LSAMP: variants seen among roughly 807,000 people sequenced by gnomAD.
LSAMP encodes limbic system associated membrane protein.
A neutral mutation model predicts 38.6 loss-of-function variants in LSAMP; 7 were observed. The observed-to-expected ratio is 0.18, with a 90% CI of 0.10 to 0.34. The LOEUF (loss-of-function observed/expected upper bound fraction) is 0.34, where lower values mean the gene tolerates loss of function less well. Ranked by LOEUF, LSAMP falls within the 10% of genes least tolerant of loss-of-function variation. The probability of loss-of-function intolerance (pLI) is 1.00; values close to 1 mark genes in which losing one functional copy is unlikely to be tolerated. For synonymous variants in LSAMP, 154 were observed against 166.8 expected, an observed-to-expected ratio of 0.92 and a Z score of 0.59; for missense variants, 313 against 420.0, an observed-to-expected ratio of 0.75 and a Z score of 2.23.
At chr3:115,888,327 T>A (rs760620735) in intron 3 of LSAMP, among the ~76,000 whole-genome samples, 3 of 151,958 alleles carry the variant, frequency 2.0e-5, no homozygotes, top group Non-Finnish European at 4.4e-5. Context: ...TTGCTGTTTA[T>A]CTTTCTATAA....
intron 1 of LSAMP, among the ~76,000 whole-genome samples, chr3:116,377,540 T>TA (rs1423453068): frequency 1.3e-5 from 2 of 152,108 alleles, no homozygotes; most frequent in East Asian, 3.9e-4. Flanking sequence ...GCAATAAACA[T>TA]ACACATGCAT....
chr3:115,957,517 A>C (rs979001071), intron 3 of LSAMP, among the ~76,000 whole-genome samples: 4 of 152,162 alleles, frequency 2.6e-5, no homozygotes, highest in Admixed American at 2.6e-4. Context: ...ATGGAACCAC[A>C]TGATCCTCAA....
chr3:116,252,980 A>G (rs964121281), intron 1 of LSAMP, among the ~76,000 whole-genome samples: 6 of 152,324 alleles, frequency 3.9e-5, no homozygotes, highest in Non-Finnish European at 7.3e-5. Flanking sequence ...TAATTATTCA[A>G]TCAGTCCAGC....
At chr3:116,335,761 G>A (rs2047912221) in intron 1 of LSAMP, among the ~76,000 whole-genome samples, 1 of 151,892 alleles carries the variant, frequency 6.6e-6, no homozygotes, top group Admixed American at 6.6e-5. Flanking sequence ...GCTTAAAGTT[G>A]GGCAAAATTA....
chr3:116,164,628 A>AATAT lies in LSAMP; in HGVS notation c.156-78076_156-78073dup, dbSNP rs369789482. Among the ~76,000 whole-genome samples the AATAT allele has an allele frequency of 9.0e-4, 82 of 91,168 alleles. 9 individuals carry two copies. Among genetic ancestry groups the AATAT allele is most frequent in the African/African-American group, 2.5e-3 (56 of 22,294 alleles). The allele number at this position is 91,168 out of a possible 152,430, so 59.8% of individuals were successfully genotyped here. Reference sequence around the variant, plus strand: ...TATATATATATATATATATAATCCAAATATATATATATATATAATCCAAAT... The same window carrying AATAT: ...TATATATATATATATATATAATCCAAATATATATATATATATATATAATCCAAAT... On this transcript the variant is annotated intron_variant, in intron 1 of 6. Coordinates refer to ENST00000490035, the MANE Select transcript of LSAMP (RefSeq NM_002338.5).
intron 2 of LSAMP, among the ~76,000 whole-genome samples, chr3:116,026,082 G>A (rs1442102471): frequency 6.6e-6 from 1 of 152,054 alleles, no homozygotes; most frequent in Non-Finnish European, 1.5e-5. Flanking sequence ...ATTGCATTGG[G>A]CCTACATATT....
Position 116,182,782 on chromosome 3 carries a change from A to G in LSAMP, c.156-96226T>C, listed in dbSNP as rs555494944. 2.0e-5 allele frequency among the ~76,000 whole-genome samples: 3 copies of G among 151,940 alleles called. No individual in the cohort carries two copies. In the South Asian group the frequency reaches 6.2e-4, roughly 31 times the overall value. Reference sequence around the variant, plus strand: ...ATTTTAGGAGAGAGTTGATCCTGGTAATGTATATTTTTGTACATTCTCATA... The same window carrying G: ...ATTTTAGGAGAGAGTTGATCCTGGTGATGTATATTTTTGTACATTCTCATA... On this transcript the variant is annotated intron_variant, in intron 1 of 6. Coordinates refer to ENST00000490035, the MANE Select transcript of LSAMP (RefSeq NM_002338.5).
chr3:116,380,818 T>C (rs558524612), intron 1 of LSAMP, among the ~76,000 whole-genome samples: 3 of 152,072 alleles, frequency 2.0e-5, no homozygotes, highest in Non-Finnish European at 4.4e-5. Context: ...TGGGTATAGC[T>C]TTGGTTTTTT....
intron 3 of LSAMP, among the ~76,000 whole-genome samples, chr3:116,010,393 ATATT>A (rs1304683813): frequency 1.3e-5 from 2 of 152,224 alleles, no homozygotes; most frequent in African/African-American, 4.8e-5. Context: ...CCTTCAGAAA[ATATT>A]TATTGAACAC....
chr3:116,098,718 CTGTGTG>C (rs779373699), intron 1 of LSAMP, among the ~76,000 whole-genome samples: 145 of 152,200 alleles, frequency 9.5e-4, no homozygotes, highest in Middle Eastern at 3.4e-3. Flanking sequence ...GTGTAACACC[CTGTGTG>C]TGTGTTTTTC....
intron 4 of LSAMP, among the ~76,000 whole-genome samples, chr3:115,849,844 T>C (rs74748298): frequency 0.055 from 8,403 of 152,302 alleles, 276 homozygotes; most frequent in African/African-American, 0.087. Flanking sequence ...AAAAGGTGAT[T>C]CCAAAGGAAA....
At chr3:116,366,635 G>T (rs954108735) in intron 1 of LSAMP, among the ~76,000 whole-genome samples, 2 of 152,166 alleles carry the variant, frequency 1.3e-5, no homozygotes. Flanking sequence ...AGGTATGGAG[G>T]AAGTGCCTCA....
Position 116,134,583 on chromosome 3 carries a change from A to T in LSAMP, c.156-48027T>A, listed in dbSNP as rs1016404024. 1.3e-5 allele frequency among the ~76,000 whole-genome samples: 2 copies of T among 152,226 alleles called. 1 individual carries two copies. Among genetic ancestry groups the T allele is most frequent in the African/African-American group, 4.8e-5 (2 of 41,536 alleles). On this transcript the variant is annotated intron_variant, in intron 1 of 6. Transcript: ENST00000490035. ...CATCAGGCTTGTTGCCGTCTCAGAGACTTTGCTCTTGCAGTTCCCTTTGCT... is the reference window on the plus strand; with the variant it reads ...CATCAGGCTTGTTGCCGTCTCAGAGTCTTTGCTCTTGCAGTTCCCTTTGCT...
chr3:116,084,299 A>T (rs1179425470), intron 2 of LSAMP, among the ~76,000 whole-genome samples: 1 of 152,030 alleles, frequency 6.6e-6, no homozygotes, highest in Non-Finnish European at 1.5e-5. Flanking sequence ...ACATAATTTT[A>T]GTTCTAACCC....
chr3:115,895,890 C>A (rs915424066), intron 3 of LSAMP, among the ~76,000 whole-genome samples: 1 of 151,944 alleles, frequency 6.6e-6, no homozygotes, highest in Non-Finnish European at 1.5e-5. Context: ...ATGTGTCACA[C>A]ATATATTCTT....
chr3:116,129,521 T>C (rs1194294134), intron 1 of LSAMP, among the ~76,000 whole-genome samples: 1 of 152,188 alleles, frequency 6.6e-6, no homozygotes, highest in Admixed American at 6.5e-5. Flanking sequence ...ACCACAGTTA[T>C]GTGAAGGGTA....
chr3:116,045,787 T>G (rs1192070771), intron 2 of LSAMP, among the ~76,000 whole-genome samples: 2 of 152,228 alleles, frequency 1.3e-5, no homozygotes, highest in Non-Finnish European at 2.9e-5. Context: ...AATTACCAGA[T>G]TCTTCCTTGA....
At chr3:115,819,977 G>C (rs1934175350) in intron 6 of LSAMP, among the ~76,000 whole-genome samples, 1 of 151,628 alleles carries the variant, frequency 6.6e-6, no homozygotes, top group South Asian at 2.1e-4. Context: ...CTGTGCAGAT[G>C]AATCACCTTT....
intron 1 of LSAMP, among the ~76,000 whole-genome samples, chr3:116,306,480 G>A (rs903315916): frequency 3.3e-5 from 5 of 151,966 alleles, no homozygotes; most frequent in Admixed American, 3.3e-4. Flanking sequence ...GCTTGTAATG[G>A]GAATGACGGA....
Sources: allele counts gnomAD v4.1 joint callset (sites outside exome capture counted in the v4.1 genomes callset), GRCh38; gene constraint gnomAD v4.1.1; transcripts MANE v1.5; gene names NCBI Gene and HGNC (gene_info 2026-07-23, HGNC 2026-07-21).